The following PLEKHM3 variants were observed in gnomAD, a reference collection of about 807,000 sequenced individuals.
PLEKHM3 encodes the protein pleckstrin homology domain containing M3, also known as pleckstrin homology domain-containing family M member 3.
PLEKHM3 carries 45 observed loss-of-function variants against 81.8 expected under a neutral mutation model. The observed-to-expected ratio is 0.55, with a 90% CI of 0.43 to 0.71. The LOEUF (loss-of-function observed/expected upper bound fraction) is 0.71, where lower values mean the gene tolerates loss of function less well. PLEKHM3 is among the 30% of genes least tolerant of loss of function. The pLI is 0.00. For missense variants in PLEKHM3, 788 were observed against 924.3 expected (o/e 0.85, Z 1.91); for synonymous variants, 352 against 356.4 (o/e 0.99, Z 0.14).
chr2:207,846,511 ATT>A (rs1160473014), intron 7 of PLEKHM3, among the ~76,000 whole-genome samples: 2 of 151,308 alleles, frequency 1.3e-5, no homozygotes, highest in African/African-American at 4.9e-5. Flanking sequence ...GCCAATTAAA[ATT>A]TTTTTCCTCC....
chr2:207,828,041 G>A lies in PLEKHM3; in HGVS notation c.*278C>T, dbSNP rs150726386. 290 of 229,054 alleles carry A rather than the reference G, an allele frequency of 1.3e-3. No individual in the cohort carries two copies. Among genetic ancestry groups the A allele is most frequent in the Non-Finnish European group, 2.0e-3 (237 of 120,424 alleles). The allele number at this position is 229,054 out of a possible 1,614,324, so 14.2% of individuals were successfully genotyped here. The stretch of plus-strand genomic sequence containing the variant: ...GCATTGTGTATACCACGTTTTGTCT[G>A]GGAGCAAGCAGCTGAAATTCTTGGC... On this transcript the variant is annotated 3_prime_UTR_variant, in exon 8 of 8. Coordinates refer to ENST00000427836, the MANE Select transcript of PLEKHM3 (RefSeq NM_001080475.3).
At chr2:207,969,800 G>A (rs1477125266) in intron 3 of PLEKHM3, among the ~76,000 whole-genome samples, 1 of 152,060 alleles carries the variant, frequency 6.6e-6, no homozygotes, top group Non-Finnish European at 1.5e-5. Context: ...GGTTACTAAG[G>A]GGAGGCTAAA....
intron 2 of PLEKHM3, among the ~76,000 whole-genome samples, chr2:207,999,642 T>C (rs1451679692): frequency 2.6e-5 from 4 of 152,168 alleles, no homozygotes; most frequent in Admixed American, 2.0e-4. Context: ...ATACATGGAA[T>C]GTCCTTTTCT....
At chr2:207,858,774 C>T (rs59112367) in intron 7 of PLEKHM3, among the ~76,000 whole-genome samples, 6,265 of 152,202 alleles carry the variant, frequency 0.041, 271 homozygotes, top group African/African-American at 0.11. Context: ...AGCCACCGTG[C>T]CTAGCCATTA....
In PLEKHM3 at chr2:208,001,758, C is replaced by T. The variant is rs1438541786; in HGVS notation, c.-119G>A. On this transcript the variant is annotated 5_prime_UTR_variant, in exon 2 of 8. Transcript: ENST00000427836. The stretch of plus-strand genomic sequence containing the variant: ...AGCTATGGAAACAACTGGAAGAAAC[C>T]TTCATTGGGCTCCCTGGAGCAGGCC... 4 of 1,476,582 alleles carry T rather than the reference C, an allele frequency of 2.7e-6. No homozygotes were observed. The highest frequency in any genetic ancestry group is 2.8e-5 in the African/African-American group (2 of 70,944). 91.5% of individuals were successfully genotyped at this position (1,476,582 alleles called of 1,614,324 possible).
At chr2:207,928,334 C>G (rs1021926609) in intron 5 of PLEKHM3, among the ~76,000 whole-genome samples, 1 of 152,244 alleles carries the variant, frequency 6.6e-6, no homozygotes, top group Non-Finnish European at 1.5e-5. Flanking sequence ...TCCATCCACT[C>G]TCCCTTGCTC....
chr2:207,878,549 G>A (rs541042214), intron 6 of PLEKHM3, among the ~76,000 whole-genome samples: 26 of 152,146 alleles, frequency 1.7e-4, no homozygotes, highest in Non-Finnish European at 2.4e-4. Context: ...TGGAGGTTGC[G>A]GTGAGCTGAG....
intron 2 of PLEKHM3, among the ~76,000 whole-genome samples, chr2:207,993,011 T>G (rs1691948753): frequency 6.6e-6 from 1 of 152,174 alleles, no homozygotes; most frequent in Non-Finnish European, 1.5e-5. Flanking sequence ...AATGGGGAAC[T>G]ATGGTTCACT....
At chr2:207,865,838 A>ATATATT (rs1553546040) in intron 6 of PLEKHM3, among the ~76,000 whole-genome samples, 1 of 108,610 alleles carries the variant, frequency 9.2e-6, no homozygotes, top group African/African-American at 3.4e-5. Flanking sequence ...ATATATATAT[A>ATATATT]CTTTCTGTCT....
chr2:207,996,108 A>G (rs1338843876), intron 2 of PLEKHM3, among the ~76,000 whole-genome samples: 1 of 152,200 alleles, frequency 6.6e-6, no homozygotes, highest in Non-Finnish European at 1.5e-5. Flanking sequence ...TGGTATCTAA[A>G]TAGCTCTCCA....
At chr2:207,912,877 C>A (rs1688853463) in intron 5 of PLEKHM3, among the ~76,000 whole-genome samples, 1 of 152,110 alleles carries the variant, frequency 6.6e-6, no homozygotes, top group Non-Finnish European at 1.5e-5. Context: ...AAGACATTCT[C>A]TAAATATTTT....
chr2:208,001,354 T>C lies in PLEKHM3; in HGVS notation c.286A>G (p.Met96Val). The change falls in exon 2 of 8, where the codon ATG becomes GTG. Residue 96 changes from methionine (M) to valine (V), a missense_variant. Physicochemically the swap from Met to Val is conservative, Grantham distance 21. Transcript: ENST00000427836. Reference protein sequence around the residue: ...QNVFPAKEQFMVQRGTTPDNL... With the variant: ...QNVFPAKEQFVVQRGTTPDNL... ...TCTGGGGTTGTCCCTCTCTGGACCA[T>C]AAACTGTTCTTTGGCAGGGAAGACA... is the stretch of plus-strand genomic sequence containing the variant. 6.2e-7 allele frequency: 1 copy of C among 1,614,224 alleles called. No individual in the cohort carries two copies. Among genetic ancestry groups the C allele is most frequent in the Non-Finnish European group, 8.5e-7 (1 of 1,180,038 alleles).
chr2:207,900,011 G>A (rs537116073), intron 6 of PLEKHM3: 14 of 152,176 alleles, frequency 9.2e-5, no homozygotes, highest in African/African-American at 3.4e-4. Flanking sequence ...AAAACTTAGT[G>A]GTGAAAAAAA....
chr2:207,825,520 G>A lies in PLEKHM3; in HGVS notation c.*2799C>T, dbSNP rs2092243858. On this transcript the variant is annotated 3_prime_UTR_variant, in exon 8 of 8. Coordinates refer to ENST00000427836, the MANE Select transcript of PLEKHM3 (RefSeq NM_001080475.3). The stretch of plus-strand genomic sequence containing the variant: ...TTTGTTTCGACAGTTTCTAAGCAGT[G>A]GAACAATTACCTAACAGTGCACCAA... The A allele has an allele frequency of 1.3e-5, 2 of 152,210 alleles. No individual in the cohort carries two copies. The highest frequency in any genetic ancestry group is 2.4e-5 in the African/African-American group (1 of 41,442). 9.4% of individuals were successfully genotyped at this position (152,210 alleles called of 1,614,324 possible).
At chr2:207,837,146 T>A (rs2092323853) in intron 7 of PLEKHM3, among the ~76,000 whole-genome samples, 2 of 152,178 alleles carry the variant, frequency 1.3e-5, no homozygotes, top group Admixed American at 1.3e-4. Context: ...TGTTATTGTG[T>A]AAGTAAACAT....
At chr2:207,906,384 T>G (rs1458824459) in intron 6 of PLEKHM3, among the ~76,000 whole-genome samples, 1 of 152,232 alleles carries the variant, frequency 6.6e-6, no homozygotes, top group East Asian at 1.9e-4. Context: ...TTGGGAGAGC[T>G]GATATGTGCA....
chr2:207,886,276 T>G (rs1045743057), intron 6 of PLEKHM3, among the ~76,000 whole-genome samples: 1 of 152,142 alleles, frequency 6.6e-6, no homozygotes, highest in Non-Finnish European at 1.5e-5. Flanking sequence ...CTTTGTAATA[T>G]GAGCCCAGGG....
intron 3 of PLEKHM3, among the ~76,000 whole-genome samples, chr2:207,955,159 T>C (rs1472865312): frequency 2.0e-5 from 3 of 152,238 alleles, no homozygotes; most frequent in South Asian, 2.1e-4. Context: ...TCCGAAGACA[T>C]GACTTGAGTT....
At chr2:207,865,456 C>T (rs2092490360) in intron 6 of PLEKHM3, among the ~76,000 whole-genome samples, 1 of 151,948 alleles carries the variant, frequency 6.6e-6, no homozygotes, top group African/African-American at 2.4e-5. Flanking sequence ...TTCCCTCTGC[C>T]ATGCCCCTGC....
Sources: allele counts gnomAD v4.1 joint callset (sites outside exome capture counted in the v4.1 genomes callset), GRCh38; gene constraint gnomAD v4.1.1; transcripts MANE v1.5; gene names NCBI Gene and HGNC (gene_info 2026-07-23, HGNC 2026-07-21).